ADAMTSL1: variants seen among roughly 807,000 people sequenced by gnomAD.
ADAMTSL1 encodes the protein ADAMTS like 1.
ADAMTSL1 carries 126 observed loss-of-function variants against 201.8 expected under a neutral mutation model. The ratio of observed to expected loss-of-function variants is 0.62; its 90% CI spans 0.54 to 0.72. ADAMTSL1 has a LOEUF of 0.72. ADAMTSL1 is among the 30% of genes least tolerant of loss of function. ADAMTSL1 has a pLI of 0.00. For synonymous variants in ADAMTSL1, 1,121 were observed against 903.4 expected (o/e 1.24, Z -4.32); for missense variants, 2,679 against 2,277.8 (o/e 1.18, Z -3.59).
chr9:17,979,405 G>A (rs1196694918), intron 1 of ADAMTSL1, among the ~76,000 whole-genome samples: 2 of 151,656 alleles, frequency 1.3e-5, no homozygotes, highest in East Asian at 1.9e-4. Flanking sequence ...AATTTCAAAT[G>A]TCCTGTCTTT....
intron 13 of ADAMTSL1, among the ~76,000 whole-genome samples, chr9:18,690,826 T>C (rs1831167198): frequency 6.6e-6 from 1 of 152,208 alleles, no homozygotes; most frequent in Non-Finnish European, 1.5e-5. Flanking sequence ...GTGCTTAATA[T>C]AATTTCTTGG....
At chr9:18,597,763 C>T (rs1824362568) in intron 4 of ADAMTSL1, among the ~76,000 whole-genome samples, 1 of 151,900 alleles carries the variant, frequency 6.6e-6, no homozygotes, top group South Asian at 2.1e-4. Flanking sequence ...TTGTAAAGAT[C>T]CTTAATGAAA....
chr9:18,169,287 T>C (rs1260101328), intron 2 of ADAMTSL1, among the ~76,000 whole-genome samples: 4 of 151,934 alleles, frequency 2.6e-5, no homozygotes, highest in African/African-American at 9.7e-5. Flanking sequence ...TAATCCATCT[T>C]GAATTGATTT....
chr9:18,731,284 A>G (rs1473761382), intron 15 of ADAMTSL1, among the ~76,000 whole-genome samples: 1 of 152,172 alleles, frequency 6.6e-6, no homozygotes, highest in Non-Finnish European at 1.5e-5. Flanking sequence ...GGGCTGGTGT[A>G]TTAGGCTGTT....
At chr9:18,717,765 A>G (rs953793574) in intron 14 of ADAMTSL1, among the ~76,000 whole-genome samples, 1 of 152,222 alleles carries the variant, frequency 6.6e-6, no homozygotes, top group Non-Finnish European at 1.5e-5. Context: ...ATCTAGGACT[A>G]TTATATAAGT....
At chr9:18,857,045 G>A (rs1826902578) in intron 23 of ADAMTSL1, among the ~76,000 whole-genome samples, 1 of 151,876 alleles carries the variant, frequency 6.6e-6, no homozygotes, top group Admixed American at 6.6e-5. Context: ...GATAGAGCAG[G>A]TTTTTTTTCC....
chr9:18,819,529 C>T (rs1309408598), intron 21 of ADAMTSL1, among the ~76,000 whole-genome samples: 6 of 151,548 alleles, frequency 4.0e-5, no homozygotes, highest in Non-Finnish European at 2.9e-5. Flanking sequence ...ATTGAGAGGA[C>T]CAGAATCTGG....
chr9:18,017,284 T>C (rs2131574245), intron 1 of ADAMTSL1, among the ~76,000 whole-genome samples: 1 of 152,164 alleles, frequency 6.6e-6, no homozygotes, highest in South Asian at 2.1e-4. Context: ...TCGTTCTGAA[T>C]GTTAGGTACA....
chr9:17,997,113 T>G (rs1192087894), intron 1 of ADAMTSL1, among the ~76,000 whole-genome samples: 1 of 152,080 alleles, frequency 6.6e-6, no homozygotes, highest in Admixed American at 6.6e-5. Context: ...TTAGTATGCA[T>G]GGTGAAAAGT....
chr9:17,913,886 C>A (rs1039282322), intron 1 of ADAMTSL1, among the ~76,000 whole-genome samples: 3 of 152,184 alleles, frequency 2.0e-5, no homozygotes, highest in Non-Finnish European at 4.4e-5. Context: ...GAGAATACTG[C>A]AAACACCTCT....
chr9:18,889,860 A>C, intron 25 of ADAMTSL1, 112 bp downstream of exon 25: 1 of 1,115,774 alleles, frequency 9.0e-7, no homozygotes, highest in Non-Finnish European at 1.2e-6. Flanking sequence ...GATGCCAGCC[A>C]AGGAGCTGTT....
chr9:17,914,095 AG>A (rs1051886481), intron 1 of ADAMTSL1, among the ~76,000 whole-genome samples: 3 of 152,370 alleles, frequency 2.0e-5, no homozygotes, highest in African/African-American at 7.2e-5. Context: ...CAGAGGTACA[AG>A]GAAGAACTGG....
intron 1 of ADAMTSL1, among the ~76,000 whole-genome samples, chr9:18,498,723 G>C (rs1008699557): frequency 5.9e-5 from 9 of 152,110 alleles, no homozygotes; most frequent in African/African-American, 2.2e-4. Context: ...AGGAAAGTCC[G>C]TCTCACTCTA....
intron 1 of ADAMTSL1, among the ~76,000 whole-genome samples, chr9:17,908,149 A>T (rs1435217768): frequency 6.6e-6 from 1 of 152,158 alleles, no homozygotes; most frequent in East Asian, 1.9e-4. Context: ...AGTAGTAGAA[A>T]TTTTCAGCAG....
chr9:18,656,628 CA>C (rs34965386), intron 7 of ADAMTSL1, among the ~76,000 whole-genome samples: 104 of 75,358 alleles, frequency 1.4e-3, no homozygotes, highest in Middle Eastern at 8.5e-3. Context: ...GACTCCATCG[CA>C]AAAAAAAAAA....
intron 2 of ADAMTSL1, among the ~76,000 whole-genome samples, chr9:18,365,313 T>C (rs555195907): frequency 6.6e-6 from 1 of 152,326 alleles, no homozygotes; most frequent in South Asian, 2.1e-4. Flanking sequence ...CAGATACTTA[T>C]ACCAAGTATG....
chr9:18,717,516 A>C (rs752432830), intron 14 of ADAMTSL1, among the ~76,000 whole-genome samples: 1 of 152,162 alleles, frequency 6.6e-6, no homozygotes, highest in African/African-American at 2.4e-5. Flanking sequence ...ACAATAAGCT[A>C]CAAGTATCAA....
chr9:17,971,465 T>C (rs1187594617), intron 1 of ADAMTSL1, among the ~76,000 whole-genome samples: 4 of 152,068 alleles, frequency 2.6e-5, no homozygotes, highest in Admixed American at 2.6e-4. Context: ...CAAGCAATCA[T>C]AGCTAATTAG....
chr9:18,422,306 A>C (rs529662079), intron 2 of ADAMTSL1, among the ~76,000 whole-genome samples: 1 of 152,290 alleles, frequency 6.6e-6, no homozygotes, highest in South Asian at 2.1e-4. Flanking sequence ...CCTCTTTCTG[A>C]AGTAATTCTC....
Sources: allele counts gnomAD v4.1 joint callset (sites outside exome capture counted in the v4.1 genomes callset), GRCh38; gene constraint gnomAD v4.1.1; transcripts MANE v1.5; gene names NCBI Gene and HGNC (gene_info 2026-07-23, HGNC 2026-07-21).